Variants in TTC6 observed in about 807,000 individuals in gnomAD.
TTC6 encodes the protein tetratricopeptide repeat protein 6.
A neutral mutation model predicts 210.4 loss-of-function variants in TTC6; 172 were observed. The observed-to-expected ratio is 0.82, with a 90% confidence interval of 0.72 to 0.93. TTC6 has a LOEUF of 0.93. Among genes scored for constraint, TTC6 ranks in the 40% least tolerant of loss-of-function variants. The pLI, the probability that TTC6 is intolerant of heterozygous loss-of-function variation, is 0.00. For missense variants in TTC6, 2,414 were observed against 2,318.1 expected (o/e 1.04, Z -0.85); for synonymous variants, 804 against 819.6 (o/e 0.98, Z 0.32).
At chr14:37,833,522 G>T (rs985692777) in intron 29 of TTC6, among the ~76,000 whole-genome samples, 7 of 152,126 alleles carry the variant, frequency 4.6e-5, no homozygotes, top group African/African-American at 1.7e-4. Flanking sequence ...CTTGTAGCCA[G>T]CATATAGTTG....
intron 3 of TTC6, among the ~76,000 whole-genome samples, chr14:37,687,662 C>T (rs979228564): frequency 6.6e-6 from 1 of 152,130 alleles, no homozygotes; most frequent in East Asian, 1.9e-4. Context: ...CAGGATAGGG[C>T]ACTGGTCAGT....
At chr14:37,795,614 G>A (rs184325186) in intron 18 of TTC6, among the ~76,000 whole-genome samples, 29 of 152,144 alleles carry the variant, frequency 1.9e-4, no homozygotes, top group South Asian at 2.1e-4. Context: ...CTTTTTAAGC[G>A]ACTAGTCATA....
intron 4 of TTC6, among the ~76,000 whole-genome samples, chr14:37,699,285 A>G (rs1464744563): frequency 6.6e-6 from 1 of 152,200 alleles, no homozygotes; most frequent in Non-Finnish European, 1.5e-5. Flanking sequence ...GAGAATAGCT[A>G]ACTTCTGCCA....
At chr14:37,801,555 G>A (rs2139389236) in intron 20 of TTC6, among the ~76,000 whole-genome samples, 1 of 152,260 alleles carries the variant, frequency 6.6e-6, no homozygotes, top group South Asian at 2.1e-4. Flanking sequence ...TTATGTTGCA[G>A]TATATAAGAC....
At chr14:37,749,331 C>T in exon 11 of TTC6, 1 of 1,508,482 alleles carries the variant, frequency 6.6e-7, no homozygotes, top group Non-Finnish European at 8.8e-7. Flanking sequence ...CCTGCATTTG[C>T]ATATTGTAGG....
intron 29 of TTC6, among the ~76,000 whole-genome samples, chr14:37,831,946 C>G (rs2096186375): frequency 6.6e-6 from 1 of 152,078 alleles, no homozygotes; most frequent in Non-Finnish European, 1.5e-5. Flanking sequence ...GATATAAACC[C>G]ACTTGTCTGT....
intron 1 of TTC6, among the ~76,000 whole-genome samples, chr14:37,628,413 A>G (rs992010313): frequency 2.0e-5 from 3 of 152,202 alleles, no homozygotes; most frequent in Non-Finnish European, 2.9e-5. Flanking sequence ...TCTTCTTTTG[A>G]GAAGTGTCTG....
intron 2 of TTC6, among the ~76,000 whole-genome samples, chr14:37,680,799 T>C (rs1400956937): frequency 1.3e-5 from 2 of 152,126 alleles, no homozygotes; most frequent in Non-Finnish European, 2.9e-5. Context: ...CACATTTACA[T>C]AGAAAAGTGA....
chr14:37,780,375 C>T (rs71407737), intron 14 of TTC6, among the ~76,000 whole-genome samples: 6,011 of 152,200 alleles, frequency 0.039, 152 homozygotes, highest in Non-Finnish European at 0.051. Context: ...TATCCATTAG[C>T]GATTCTTCCT....
chr14:37,826,059 C>T (rs2096170503), intron 27 of TTC6, 136 bp from the exon 30 acceptor site: 8 of 834,536 alleles, frequency 9.6e-6, no homozygotes, highest in Non-Finnish European at 1.4e-5. Context: ...TGCCTACTTT[C>T]TGGTTTGAAA....
At chr14:37,792,053 T>C (rs535402489) in intron 16 of TTC6, among the ~76,000 whole-genome samples, 7 of 152,312 alleles carry the variant, frequency 4.6e-5, no homozygotes, top group African/African-American at 1.7e-4. Context: ...AGCGCAGACC[T>C]TAAAAACATT....
intron 14 of TTC6, among the ~76,000 whole-genome samples, chr14:37,783,132 T>A (rs2096059383): frequency 6.6e-6 from 1 of 152,184 alleles, no homozygotes; most frequent in Admixed American, 6.5e-5. Flanking sequence ...ATGAGGATGA[T>A]GCTGGCCTCA....
intron 14 of TTC6, among the ~76,000 whole-genome samples, chr14:37,757,186 GTCATAT>G (rs1416667346): frequency 6.6e-6 from 1 of 151,674 alleles, no homozygotes; most frequent in Non-Finnish European, 1.5e-5. Context: ...GGGATCAGTG[GTCATAT>G]CCCCTTTATC....
At chr14:37,717,764 A>G (rs1220823797) in intron 6 of TTC6, among the ~76,000 whole-genome samples, 2 of 152,132 alleles carry the variant, frequency 1.3e-5, no homozygotes, top group Non-Finnish European at 2.9e-5. Context: ...CAAAAAAGAA[A>G]GAAAGAAAGA....
intron 14 of TTC6, among the ~76,000 whole-genome samples, chr14:37,770,026 G>T (rs1293411400): frequency 1.3e-5 from 2 of 152,156 alleles, no homozygotes; most frequent in Non-Finnish European, 2.9e-5. Flanking sequence ...TGGTTTCAAA[G>T]AACATCTTTA....
chr14:37,765,854 A>G (rs1352916465), intron 14 of TTC6, among the ~76,000 whole-genome samples: 2 of 152,032 alleles, frequency 1.3e-5, no homozygotes, highest in African/African-American at 4.8e-5. Flanking sequence ...CACTTTAAAT[A>G]TGTTATCTAC....
chr14:37,695,207 A>G (rs1033012500), intron 3 of TTC6, among the ~76,000 whole-genome samples: 1 of 152,052 alleles, frequency 6.6e-6, no homozygotes, highest in Non-Finnish European at 1.5e-5. Flanking sequence ...ACCCATGGAG[A>G]TAGAGAGTAT....
At chr14:37,815,577 A>T (rs2096139515) in intron 25 of TTC6, among the ~76,000 whole-genome samples, 1 of 151,986 alleles carries the variant, frequency 6.6e-6, no homozygotes. Flanking sequence ...ACTGAGATGG[A>T]GATTGAGATT....
chr14:37,739,926 G>C (rs891779465), intron 10 of TTC6, among the ~76,000 whole-genome samples: 29 of 152,166 alleles, frequency 1.9e-4, no homozygotes, highest in African/African-American at 7.0e-4. Flanking sequence ...CACTTTGGGA[G>C]GCTGAGGCGG....
Sources: allele counts gnomAD v4.1 joint callset (sites outside exome capture counted in the v4.1 genomes callset), GRCh38; gene constraint gnomAD v4.1.1; transcripts MANE v1.5; gene names NCBI Gene and HGNC (gene_info 2026-07-23, HGNC 2026-07-21).